Variants in BCR observed in about 807,000 individuals in gnomAD.
BCR encodes the protein breakpoint cluster region protein.
A neutral mutation model predicts 138.6 loss-of-function variants in BCR; 58 were observed. That is an observed-to-expected ratio of 0.42 (90% CI 0.34 to 0.52). The LOEUF is 0.52. BCR is among the 20% of genes least tolerant of loss of function. The probability of loss-of-function intolerance (pLI) is 0.06; values close to 1 mark genes in which losing one functional copy is unlikely to be tolerated. For synonymous variants in BCR, 786 were observed against 730.1 expected, an observed-to-expected ratio of 1.08 and a Z score of -1.23; for missense variants, 1,599 against 1,727.2, an observed-to-expected ratio of 0.93 and a Z score of 1.32.
chr22:23,189,062 G>C (rs1240325628), intron 1 of BCR, among the ~76,000 whole-genome samples: 1 of 152,084 alleles, frequency 6.6e-6, no homozygotes, highest in Non-Finnish European at 1.5e-5. Context: ...GTTTCACCAT[G>C]TTGGCCAGGC....
intron 11 of BCR, 152 bp from the exon 12 acceptor site, chr22:23,287,945 C>A (rs990472720): frequency 9.9e-6 from 7 of 709,000 alleles, no homozygotes; most frequent in Non-Finnish European, 1.0e-5. Flanking sequence ...TAGGGAGTGC[C>A]GGAAGCGACA....
chr22:23,276,995 G>A (rs1410122718), intron 8 of BCR, among the ~76,000 whole-genome samples: 1 of 152,246 alleles, frequency 6.6e-6, no homozygotes, highest in East Asian at 1.9e-4. Flanking sequence ...AAAGTGAGGG[G>A]TGGTGGCCTG....
intron 1 of BCR, chr22:23,198,410 G>A (rs1266514221): frequency 2.3e-6 from 1 of 440,386 alleles, no homozygotes; most frequent in Non-Finnish European, 4.3e-6. Context: ...TGGGTCTATG[G>A]GAAGGTTGGT....
chr22:23,280,146 T>A (rs999414776), intron 8 of BCR, among the ~76,000 whole-genome samples: 2 of 152,184 alleles, frequency 1.3e-5, no homozygotes, highest in African/African-American at 4.8e-5. Flanking sequence ...GCATAAATTC[T>A]GAGGGGGACA....
intron 1 of BCR, among the ~76,000 whole-genome samples, chr22:23,221,217 C>G (rs938158099): frequency 4.6e-5 from 7 of 152,170 alleles, no homozygotes; most frequent in African/African-American, 1.7e-4. Flanking sequence ...GGAAGATGAC[C>G]TGCTCATGCA....
intron 1 of BCR, among the ~76,000 whole-genome samples, chr22:23,247,420 C>T (rs2073169169): frequency 6.6e-6 from 1 of 152,232 alleles, no homozygotes; most frequent in African/African-American, 2.4e-5. Flanking sequence ...AAATTCCTCC[C>T]AGTGCCCCTT....
At chr22:23,182,587 C>T (rs1039939515) in intron 1 of BCR, among the ~76,000 whole-genome samples, 9 of 152,166 alleles carry the variant, frequency 5.9e-5, no homozygotes, top group South Asian at 2.1e-4. Context: ...CTCTCCATGC[C>T]GGGCAGTGAG....
intron 1 of BCR, among the ~76,000 whole-genome samples, chr22:23,205,207 C>T (rs1256539599): frequency 6.6e-6 from 1 of 152,148 alleles, no homozygotes. Flanking sequence ...ACTGAGCTGG[C>T]CGGTGCTGGA....
At chr22:23,222,330 A>T (rs776355755) in intron 1 of BCR, among the ~76,000 whole-genome samples, 72 of 152,208 alleles carry the variant, frequency 4.7e-4, no homozygotes, top group Non-Finnish European at 9.0e-4. Context: ...TAAGGCATAG[A>T]AAACTGTCTG....
intron 10 of BCR, 131 bp downstream of exon 10, chr22:23,285,332 C>T (rs1255198915): frequency 9.8e-7 from 1 of 1,016,698 alleles, no homozygotes; most frequent in African/African-American, 1.6e-5. Flanking sequence ...CCTGTAAGCT[C>T]TCAGCTCTTG....
chr22:23,273,571 T>G (rs530021378), intron 7 of BCR, 63 bp from the exon 8 acceptor site: 4 of 1,606,784 alleles, frequency 2.5e-6, no homozygotes, highest in Non-Finnish European at 3.4e-6. Context: ...GTCTGCACTT[T>G]GCACACAGTG....
chr22:23,293,694 C>T (rs1287902967), intron 15 of BCR, among the ~76,000 whole-genome samples: 3 of 152,028 alleles, frequency 2.0e-5, no homozygotes, highest in Admixed American at 6.5e-5. Context: ...ACGGAAGCTC[C>T]GGGGAGGCAT....
chr22:23,275,181 T>C (rs569819284), intron 8 of BCR, among the ~76,000 whole-genome samples: 3 of 152,200 alleles, frequency 2.0e-5, no homozygotes, highest in Non-Finnish European at 4.4e-5. Flanking sequence ...TTGGTCAGGT[T>C]TCTCCTGGTG....
chr22:23,304,728 C>T (rs1018552418), intron 16 of BCR, among the ~76,000 whole-genome samples: 2 of 152,194 alleles, frequency 1.3e-5, no homozygotes, highest in African/African-American at 4.8e-5. Context: ...CTCACCGATG[C>T]TGGTTATAGT....
rs531711517 is a variant in BCR at position 23,249,114 on chromosome 22, T to C, written c.1280-4685T>C. ...AGCCTGGACAACATAGCAAGACTTT[T>C]TCTCAAAAAATGTTTTTAAAAATTA... On this transcript the variant is annotated intron_variant, in intron 1 of 22. Coordinates refer to ENST00000305877, the MANE Select transcript of BCR (RefSeq NM_004327.4). Among the ~76,000 whole-genome samples, 13 of 151,994 alleles carry C rather than the reference T, an allele frequency of 8.6e-5. No individual in the cohort carries two copies. In the South Asian group the frequency reaches 2.7e-3, roughly 32 times the overall value.
intron 8 of BCR, among the ~76,000 whole-genome samples, chr22:23,276,695 C>A (rs767969574): frequency 3.5e-4 from 53 of 152,244 alleles, no homozygotes; most frequent in Non-Finnish European, 5.9e-4. Flanking sequence ...CCCTGCCATT[C>A]CTGGGGCAGA....
At chr22:23,218,159 TG>T (rs1047318098) in intron 1 of BCR, among the ~76,000 whole-genome samples, 20 of 152,330 alleles carry the variant, frequency 1.3e-4, no homozygotes, top group African/African-American at 4.3e-4. Context: ...CCCTTTGGTG[TG>T]GGGTTTGTGC....
At chr22:23,182,283 A>C (rs962539286) in intron 1 of BCR, 44 bp downstream of exon 1, 5 of 1,487,702 alleles carry the variant, frequency 3.4e-6, no homozygotes, top group Non-Finnish European at 4.5e-6. Flanking sequence ...TGCACGGGGG[A>C]GGAAAACCAT....
intron 13 of BCR, chr22:23,290,055 C>T (rs1363813375): frequency 1.8e-6 from 1 of 545,140 alleles, no homozygotes; most frequent in Non-Finnish European, 3.3e-6. Context: ...CACACACACC[C>T]CACCCACATC....
Sources: gnomAD v4.1 joint callset for allele counts (sites outside exome capture counted in the v4.1 genomes callset) on GRCh38, gnomAD v4.1.1 for gene constraint, MANE v1.5 for transcripts, NCBI Gene and HGNC (gene_info 2026-07-23, HGNC 2026-07-21) for gene names.